The following FCHSD2 variants were observed in gnomAD, a reference collection of about 807,000 sequenced individuals.
The protein encoded by FCHSD2 is F-BAR and double SH3 domains protein 2.
A neutral mutation model predicts 108.1 loss-of-function variants in FCHSD2; 38 were observed. The ratio of observed to expected loss-of-function variants is 0.35; its 90% confidence interval spans 0.27 to 0.46. FCHSD2 has a LOEUF of 0.46. FCHSD2 is among the 20% of genes least tolerant of loss of function. FCHSD2 has a pLI of 1.00. For missense variants in FCHSD2, 751 were observed against 897.8 expected (o/e 0.84, Z 2.09); for synonymous variants, 279 against 314.7 (o/e 0.89, Z 1.20).
intron 10 of FCHSD2, among the ~76,000 whole-genome samples, chr11:72,897,675 A>C (rs1438349149): frequency 2.0e-5 from 3 of 152,138 alleles, no homozygotes; most frequent in Admixed American, 6.6e-5. Context: ...AGACACCCAA[A>C]CCCATGTTTT....
chr11:72,846,678 G>A (rs1327986487), intron 14 of FCHSD2, among the ~76,000 whole-genome samples: 1 of 152,118 alleles, frequency 6.6e-6, no homozygotes, highest in African/African-American at 2.4e-5. Flanking sequence ...TTAAGTCCTA[G>A]TATCCAGTGA....
intron 8 of FCHSD2, among the ~76,000 whole-genome samples, chr11:72,922,951 C>G (rs2135312863): frequency 6.6e-6 from 1 of 152,266 alleles, no homozygotes; most frequent in African/African-American, 2.4e-5. Flanking sequence ...TTCTCCATCC[C>G]TTCCTTCCCC....
chr11:73,003,733 G>A lies in FCHSD2; in HGVS notation c.243-2599C>T, dbSNP rs564236016. Reference sequence around the variant, plus strand: ...GATCTCCTGACCTCGTGATCCGCCCGCCTCGGCCTCCCAAAGTGCTGGGAT... The same window carrying A: ...GATCTCCTGACCTCGTGATCCGCCCACCTCGGCCTCCCAAAGTGCTGGGAT... On this transcript the variant is annotated intron_variant, in intron 4 of 19. Transcript: ENST00000409418. 1.1e-4 allele frequency among the ~76,000 whole-genome samples: 17 copies of A among 151,488 alleles called. 1 individual carries two copies. In the South Asian group the frequency reaches 1.9e-3, roughly 17 times the overall value.
intron 3 of FCHSD2, among the ~76,000 whole-genome samples, chr11:73,039,254 A>G (rs1425606282): frequency 6.6e-6 from 1 of 151,826 alleles, no homozygotes; most frequent in East Asian, 1.9e-4. Flanking sequence ...TGCAGTGCTC[A>G]CACCTGTAAG....
intron 3 of FCHSD2, among the ~76,000 whole-genome samples, chr11:73,054,074 CTAAA>C (rs1481931374): frequency 2.0e-5 from 3 of 152,138 alleles, no homozygotes; most frequent in African/African-American, 7.2e-5. Flanking sequence ...GTCTGTTTCA[CTAAA>C]TAAAGTTTGA....
Position 73,058,083 on chromosome 11 carries a change from G to C in FCHSD2, c.165+25612C>G, listed in dbSNP as rs563168518. Among the ~76,000 whole-genome samples the C allele has an allele frequency of 2.0e-5, 3 of 152,212 alleles. No individual in the cohort carries two copies. The East Asian group carries it at 5.8e-4, about 29-fold the overall frequency. On this transcript the variant is annotated intron_variant, in intron 3 of 19. Transcript: ENST00000409418. Reference sequence around the variant, plus strand: ...TTTAGTAGAGACAGGGTTTCACCGTGTTAGCCAGGATGGTCTCGATCTCCT... The same window carrying C: ...TTTAGTAGAGACAGGGTTTCACCGTCTTAGCCAGGATGGTCTCGATCTCCT...
intron 5 of FCHSD2, among the ~76,000 whole-genome samples, chr11:72,990,010 T>C (rs969878384): frequency 1.3e-5 from 2 of 152,060 alleles, no homozygotes; most frequent in African/African-American, 2.4e-5. Flanking sequence ...AACTTAACCA[T>C]ATGACATACA....
At chr11:72,987,473 AC>A (rs1334735595) in intron 6 of FCHSD2, among the ~76,000 whole-genome samples, 1 of 152,230 alleles carries the variant, frequency 6.6e-6, no homozygotes, top group African/African-American at 2.4e-5. Flanking sequence ...CACAAAGCTT[AC>A]CTTACTCATC....
intron 13 of FCHSD2, among the ~76,000 whole-genome samples, chr11:72,850,094 G>C (rs1490580187): frequency 2.1e-5 from 2 of 96,908 alleles, no homozygotes; most frequent in Admixed American, 1.5e-4. Context: ...ATGGAATTTC[G>C]CTCTTGTCAC....
At chr11:72,929,694 G>C (rs115665885) in intron 8 of FCHSD2, among the ~76,000 whole-genome samples, 7,249 of 152,192 alleles carry the variant, frequency 0.048, 242 homozygotes, top group Middle Eastern at 0.12. Context: ...TATTTATATA[G>C]ACTTTGATTA....
intron 8 of FCHSD2, among the ~76,000 whole-genome samples, chr11:72,953,115 A>C (rs1373598802): frequency 3.9e-5 from 6 of 152,250 alleles, no homozygotes; most frequent in Non-Finnish European, 8.8e-5. Flanking sequence ...AAGAAAAGTA[A>C]AACACACCAG....
chr11:72,954,082 T>C lies in FCHSD2; in HGVS notation c.705+30006A>G, dbSNP rs113726693. Among the ~76,000 whole-genome samples the C allele has an allele frequency of 5.8e-3, 885 of 151,694 alleles. 4 individuals are homozygous for C. Among genetic ancestry groups the C allele is most frequent in the South Asian group, 0.014 (68 of 4,822 alleles). ...ATCACTTTGGCTATTACGCAGAGAATAGACATAAAGGTAGGGGTGGGAGTA... is the reference window on the plus strand; with the variant it reads ...ATCACTTTGGCTATTACGCAGAGAACAGACATAAAGGTAGGGGTGGGAGTA... On this transcript the variant is annotated intron_variant, in intron 8 of 19. Transcript: ENST00000409418.
chr11:72,907,745 C>T (rs1052847106), intron 9 of FCHSD2, among the ~76,000 whole-genome samples: 3 of 151,942 alleles, frequency 2.0e-5, no homozygotes, highest in Non-Finnish European at 4.4e-5. Flanking sequence ...CACCCGCCAC[C>T]ACGCCTGGCT....
chr11:73,049,747 T>C (rs1415925886), intron 3 of FCHSD2, among the ~76,000 whole-genome samples: 1 of 151,814 alleles, frequency 6.6e-6, no homozygotes, highest in Non-Finnish European at 1.5e-5. Context: ...ATAATTCTTT[T>C]ATACTATGTA....
intron 13 of FCHSD2, among the ~76,000 whole-genome samples, chr11:72,867,044 T>C (rs1216072876): frequency 1.3e-5 from 2 of 152,176 alleles, no homozygotes; most frequent in Non-Finnish European, 1.5e-5. Flanking sequence ...CAGGAAGATA[T>C]GGCAATTACA....
intron 2 of FCHSD2, among the ~76,000 whole-genome samples, chr11:73,093,115 G>C (rs980246373): frequency 6.6e-6 from 1 of 152,168 alleles, no homozygotes; most frequent in African/African-American, 2.4e-5. Flanking sequence ...CCAAGACTCA[G>C]GTAGGCTTTC....
At position 73,058,895 on chromosome 11, in the gene FCHSD2, T is replaced by G. The variant is rs1167270593; in HGVS notation, c.165+24800A>C. On this transcript the variant is annotated intron_variant, in intron 3 of 19. Coordinates refer to ENST00000409418, the MANE Select transcript of FCHSD2 (RefSeq NM_014824.3). The stretch of plus-strand genomic sequence containing the variant: ...TCATTTTCTAACGGGATAAATAATC[T>G]TTTACATCTTTTTTGGATCACTTAC... 3.3e-5 allele frequency among the ~76,000 whole-genome samples: 5 copies of G among 152,168 alleles called. No homozygotes were observed. The East Asian group carries it at 9.6e-4, about 29-fold the overall frequency.
At chr11:72,841,153 A>AT (rs1860918101) in intron 18 of FCHSD2, among the ~76,000 whole-genome samples, 194 bp from the exon 19 acceptor site, 1 of 151,736 alleles carries the variant, frequency 6.6e-6, no homozygotes, top group Non-Finnish European at 1.5e-5. Context: ...GGGTGACAGA[A>AT]TAATACCCTT....
intron 3 of FCHSD2, among the ~76,000 whole-genome samples, chr11:73,057,943 G>C (rs1191039091): frequency 2.7e-5 from 4 of 150,570 alleles, no homozygotes. Context: ...GCAGTGGCAC[G>C]ATCTTGGCTC....
Sources: allele counts gnomAD v4.1 joint callset (sites outside exome capture counted in the v4.1 genomes callset), GRCh38; gene constraint gnomAD v4.1.1; transcripts MANE v1.5; gene names NCBI Gene and HGNC (gene_info 2026-07-23, HGNC 2026-07-21).